The following AMHR2 variants were observed in gnomAD, a reference collection of about 807,000 sequenced individuals.
The protein encoded by AMHR2 is anti-Mullerian hormone receptor type 2.
In AMHR2, 36 loss-of-function variants were observed where a neutral mutation model predicts 61.4. The ratio of observed to expected loss-of-function variants is 0.59; its 90% CI spans 0.45 to 0.77. The LOEUF is 0.77. AMHR2 is among the 30% of genes least tolerant of loss of function. The probability of loss-of-function intolerance (pLI) is 0.00; values close to 1 mark genes in which losing one functional copy is unlikely to be tolerated. For synonymous variants in AMHR2, 258 were observed against 279.4 expected (o/e 0.92, Z 0.76); for missense variants, 638 against 714.6 (o/e 0.89, Z 1.22).
rs1468171222 is a variant in AMHR2 at position 53,429,900 on chromosome 12, G to A, written c.1210G>A (p.Ala404Thr). Reference sequence around the variant, plus strand: ...TCTGGACCTACAGGATTGGGGCATGGCCCTCCGACGAGCTGATATTTACTC... The same window carrying A: ...TCTGGACCTACAGGATTGGGGCATGACCCTCCGACGAGCTGATATTTACTC... ...KTLDLQDWGM[A>T]LRRADIYSLA... The change falls in exon 9 of 11, where the codon GCC becomes ACC. Residue 404 changes from alanine (A) to threonine (T), a missense_variant. Ala to Thr is a moderately conservative substitution (Grantham distance 58). Transcript: ENST00000257863. The A allele has an allele frequency of 1.2e-6, 2 of 1,614,178 alleles. No individual in the cohort carries two copies. Among genetic ancestry groups the A allele is most frequent in the Non-Finnish European group, 1.7e-6 (2 of 1,180,024 alleles).
Position 53,425,774 on chromosome 12 carries a change from C to T in AMHR2, c.707C>T (p.Ser236Phe). Residue 236 changes from serine (S) to phenylalanine (F), a missense_variant, in exon 6 of 11, where the codon TCT (serine) becomes TTT (phenylalanine). Ser to Phe is a radical substitution (Grantham distance 155). Coordinates refer to ENST00000257863, the MANE Select transcript of AMHR2 (RefSeq NM_020547.3). ...LVAIKAFPPR[S>F]VAQFQAERAL... ...GCCATCAAGGCCTTCCCACCGAGGT[C>T]TGTGGCTCAGTTCCAAGCTGAGAGA... 1 of 1,614,192 alleles carries T rather than the reference C, an allele frequency of 6.2e-7. No individual in the cohort carries two copies. The highest frequency in any genetic ancestry group is 8.5e-7 in the Non-Finnish European group (1 of 1,180,042).
intron 3 of AMHR2, 109 bp from the exon 4 acceptor site, chr12:53,425,056 C>T (rs1939433450): frequency 3.1e-6 from 5 of 1,591,726 alleles, no homozygotes; most frequent in Non-Finnish European, 4.3e-6. Flanking sequence ...GATAAGGGGT[C>T]TTGTGACCAG....
At chr12:53,424,649 C>T in intron 2 of AMHR2, 60 bp from the exon 3 acceptor site, 3 of 1,565,376 alleles carry the variant, frequency 1.9e-6, no homozygotes, top group Middle Eastern at 1.7e-4. Flanking sequence ...TTCCACACCC[C>T]ATTGTGCTTT....
intron 3 of AMHR2, 68 bp from the exon 4 acceptor site, chr12:53,425,097 G>A (rs1939438140): frequency 6.2e-7 from 1 of 1,608,290 alleles, no homozygotes; most frequent in African/African-American, 1.3e-5. Context: ...CAAGCTCTCA[G>A]GAGGGGAAGA....
At chr12:53,430,518 C>G in intron 10 of AMHR2, 2 of 622,548 alleles carry the variant, frequency 3.2e-6, no homozygotes, top group Non-Finnish European at 5.6e-6. Context: ...TCCTCCTGCT[C>G]AACCTTGCCC....
At chr12:53,426,157 C>T (rs375853006) in intron 6 of AMHR2, among the ~76,000 whole-genome samples, 19 of 151,730 alleles carry the variant, frequency 1.3e-4, no homozygotes, top group African/African-American at 4.1e-4. Flanking sequence ...ATGAGGAAAC[C>T]CCATCACTGC....
At chr12:53,426,699 G>A (rs929423481) in intron 6 of AMHR2, among the ~76,000 whole-genome samples, 2 of 151,126 alleles carry the variant, frequency 1.3e-5, no homozygotes, top group African/African-American at 4.9e-5. Context: ...TATTTTGGTG[G>A]GAGGACGGAG....
rs1409171490 is a variant in AMHR2, at chr12:53,431,178, A to G, written c.1427A>G (p.Asp476Gly). 1.2e-6 allele frequency: 2 copies of G among 1,614,080 alleles called. No homozygotes were observed. Among genetic ancestry groups the G allele is most frequent in the African/African-American group, 1.3e-5 (1 of 75,050 alleles). Reference protein sequence around the residue: ...IPSTWRCFATDPDGLRELLED... With the variant: ...IPSTWRCFATGPDGLRELLED... ...CTTCCTCCCTGTCATTCCCCCCAGG[A>G]CCCTGATGGGCTGAGGGAGCTCCTA... The change falls in exon 11 of 11, where the codon GAC becomes GGC. Residue 476 changes from aspartate to glycine, a missense_variant and splice_region_variant. Transcript: ENST00000257863.
chr12:53,430,122 C>T, intron 9 of AMHR2, 24 bp from the exon 10 acceptor site: 1 of 1,614,152 alleles, frequency 6.2e-7, no homozygotes, highest in South Asian at 1.1e-5. Context: ...CTAACTGATA[C>T]CCAGCCCCTC....
intron 1 of AMHR2, 62 bp downstream of exon 1, chr12:53,424,045 G>T: frequency 6.3e-7 from 1 of 1,589,440 alleles, no homozygotes; most frequent in Non-Finnish European, 8.6e-7. Flanking sequence ...AGGGGCGCTT[G>T]AAGCAAGAGC....
rs1939966262 is a variant in AMHR2, at chr12:53,429,941, G to A, written c.1251G>A (p.Leu417=). ...RADIYSLALL[L]WEILSRCPDL... is the part of the protein sequence containing the mutation. ...ATATTTACTCTTTGGCTCTGCTCCT[G>A]TGGGAGATACTGAGCCGCTGCCCAG... Residue 417 remains leucine, a synonymous_variant, in exon 9 of 11, where the codon CTG becomes CTA. Transcript: ENST00000257863. The A allele has an allele frequency of 3.1e-6, 5 of 1,614,224 alleles. No homozygotes were observed. The South Asian group carries it at 3.3e-5, about 11-fold the overall frequency.
intron 6 of AMHR2, among the ~76,000 whole-genome samples, chr12:53,428,591 C>T (rs1939819836): frequency 6.6e-6 from 1 of 152,174 alleles, no homozygotes; most frequent in African/African-American, 2.4e-5. Flanking sequence ...AAAAGCTCTT[C>T]ATCTGTTAAA....
intron 3 of AMHR2, 29 bp downstream of exon 3, chr12:53,424,929 T>G (rs1939418767): frequency 1.9e-6 from 3 of 1,600,984 alleles, no homozygotes; most frequent in Non-Finnish European, 1.7e-6. Flanking sequence ...TGAAGCCTGA[T>G]GGGGGCTGGG....
Position 53,423,984 on chromosome 12 carries a change from G to A in AMHR2, c.49+1G>A. On this transcript the variant is annotated splice_donor_variant, in intron 1 of 10. Coordinates refer to ENST00000257863, the MANE Select transcript of AMHR2 (RefSeq NM_020547.3). LOFTEE classifies it high-confidence loss of function. Reference sequence around the variant, plus strand: ...GCATTACTTCCCACAGCTGTGGAAGGTAAGTGTCTACAGGGAGGGGAAGGG... The same window carrying A: ...GCATTACTTCCCACAGCTGTGGAAGATAAGTGTCTACAGGGAGGGGAAGGG... 6.2e-7 allele frequency: 1 copy of A among 1,614,122 alleles called. No individual in the cohort carries two copies. The highest frequency in any genetic ancestry group is 8.5e-7 in the Non-Finnish European group (1 of 1,179,980).
At chr12:53,427,052 T>C (rs1375309803) in intron 6 of AMHR2, among the ~76,000 whole-genome samples, 2 of 151,980 alleles carry the variant, frequency 1.3e-5, no homozygotes, top group African/African-American at 4.8e-5. Flanking sequence ...TTCGTATTCA[T>C]TCAACAAATA....
Position 53,423,989 on chromosome 12 carries a change from T to C in AMHR2, c.49+6T>C. ...ACTTCCCACAGCTGTGGAAGGTAAGTGTCTACAGGGAGGGGAAGGGTCTCT... is the reference window on the plus strand; with the variant it reads ...ACTTCCCACAGCTGTGGAAGGTAAGCGTCTACAGGGAGGGGAAGGGTCTCT... On this transcript the variant is annotated splice_donor_region_variant and intron_variant, in intron 1 of 10. Transcript: ENST00000257863. 1.9e-6 allele frequency: 3 copies of C among 1,614,018 alleles called. No individual in the cohort carries two copies. The highest frequency in any genetic ancestry group is 2.5e-6 in the Non-Finnish European group (3 of 1,179,948).
Position 53,424,328 on chromosome 12 carries a change from T to C in AMHR2, c.90T>C (p.Pro30=). 2 of 1,612,984 alleles carry C rather than the reference T, an allele frequency of 1.2e-6. No individual in the cohort carries two copies. The highest frequency in any genetic ancestry group is 1.7e-6 in the Non-Finnish European group (2 of 1,180,012). ...NRRTCVFFEA[P]GVRGSTKTLG... is the part of the protein sequence containing the mutation. ...GAACCTGTGTGTTCTTTGAGGCCCC[T>C]GGAGTGCGGGGAAGCACAAAGACAC... The change falls in exon 2 of 11, where the codon CCT becomes CCC. Residue 30 remains proline (P), a synonymous_variant. Coordinates refer to ENST00000257863, the MANE Select transcript of AMHR2 (RefSeq NM_020547.3).
chr12:53,427,123 T>C (rs1312246607), intron 6 of AMHR2, among the ~76,000 whole-genome samples: 2 of 152,184 alleles, frequency 1.3e-5, no homozygotes, highest in African/African-American at 2.4e-5. Context: ...GTCCCTCTTT[T>C]ACAGATTTTA....
At chr12:53,429,706 T>C in intron 8 of AMHR2, 81 bp downstream of exon 8, 1 of 1,599,738 alleles carries the variant, frequency 6.3e-7, no homozygotes. Context: ...TGTCAACAGT[T>C]GTAGCAATAC....
Sources: allele counts gnomAD v4.1 joint callset (sites outside exome capture counted in the v4.1 genomes callset), GRCh38; gene constraint gnomAD v4.1.1; transcripts MANE v1.5; gene names NCBI Gene and HGNC (gene_info 2026-07-23, HGNC 2026-07-21).